The following PCDH11X variants were observed in gnomAD, a reference collection of about 807,000 sequenced individuals.
The protein encoded by PCDH11X is protocadherin 11 X-linked.
Under a neutral mutation model 53.3 loss-of-function variants are expected in PCDH11X, and 18 were observed. The ratio of observed to expected loss-of-function variants is 0.34; its 90% CI spans 0.23 to 0.50. PCDH11X has a LOEUF of 0.50. PCDH11X is among the 20% of genes least tolerant of loss of function. The pLI, the probability that PCDH11X is intolerant of heterozygous loss-of-function variation, is 0.98. For synonymous variants in PCDH11X, 279 were observed against 393.3 expected (o/e 0.71, Z 3.44); for missense variants, 570 against 1,032.4 (o/e 0.55, Z 6.14).
At chrX:92,430,390 T>G (rs1471095735) in intron 9 of PCDH11X, among the ~76,000 whole-genome samples, 1 of 91,410 alleles carries the variant, frequency 1.1e-5, no homozygotes, top group Non-Finnish European at 2.4e-5. Context: ...TTGAGCAGTT[T>G]ATGAATTTTA....
intron 6 of PCDH11X, among the ~76,000 whole-genome samples, chrX:92,070,286 T>G (rs1237894243): frequency 9.0e-6 from 1 of 111,681 alleles, no homozygotes; most frequent in Non-Finnish European, 1.9e-5. Context: ...TATCTTCAAG[T>G]GATTTCTTCT....
intron 8 of PCDH11X, among the ~76,000 whole-genome samples, chrX:92,304,735 A>G (rs2522764): frequency 0.06 from 6,751 of 111,801 alleles, 302 homozygotes; most frequent in African/African-American, 0.15. Context: ...CTTATGTTCT[A>G]AACTCTTTCT....
At chrX:92,571,344 A>G (rs1490252750) in intron 10 of PCDH11X, among the ~76,000 whole-genome samples, 1 of 111,487 alleles carries the variant, frequency 9.0e-6, no homozygotes, top group Non-Finnish European at 1.9e-5. Flanking sequence ...AATTGCTATT[A>G]AATTAGTATT....
intron 6 of PCDH11X, among the ~76,000 whole-genome samples, chrX:92,101,834 T>A (rs1324486771): frequency 9.3e-6 from 1 of 107,652 alleles, no homozygotes; most frequent in Non-Finnish European, 1.9e-5. Context: ...CCCTGAGGAG[T>A]AGTAGAATAG....
intron 8 of PCDH11X, among the ~76,000 whole-genome samples, chrX:92,269,915 A>G (rs1310933389): frequency 9.0e-6 from 1 of 110,648 alleles, no homozygotes; most frequent in Non-Finnish European, 1.9e-5. Context: ...TGCTTCCTAC[A>G]TCCAAACTTT....
chrX:92,285,499 C>T (rs765352797), intron 8 of PCDH11X, among the ~76,000 whole-genome samples: 54 of 110,201 alleles, frequency 4.9e-4, no homozygotes, highest in African/African-American at 1.4e-3. Flanking sequence ...GTGATCCGCC[C>T]GCTTCGGCCT....
intron 10 of PCDH11X, among the ~76,000 whole-genome samples, chrX:92,531,877 C>T (rs950720051): frequency 9.0e-6 from 1 of 111,525 alleles, no homozygotes; most frequent in Non-Finnish European, 1.9e-5. Context: ...ATAATGTGTA[C>T]TTTCCATTGG....
intron 6 of PCDH11X, among the ~76,000 whole-genome samples, chrX:92,105,442 C>T (rs1352241254): frequency 7.3e-5 from 8 of 109,998 alleles, no homozygotes; most frequent in Admixed American, 1.9e-4. Flanking sequence ...AAATTTCATG[C>T]GCGTCCGTGT....
At chrX:92,501,156 C>T (rs1201693051) in intron 10 of PCDH11X, among the ~76,000 whole-genome samples, 1 of 106,683 alleles carries the variant, frequency 9.4e-6, no homozygotes, top group Non-Finnish European at 1.9e-5. Flanking sequence ...GACACATACA[C>T]TCTCCCAAGA....
rs756040641 is a variant in PCDH11X at position 91,848,781 on chromosome X, A to G, written c.540+12737A>G. On this transcript the variant is annotated intron_variant, in intron 5 of 10. Transcript: ENST00000682573. ...ACTTAAATGCCTGTATCCTATTATA[A>G]CAGAACTAATCACTTTTCTAAAGAT... is the stretch of plus-strand genomic sequence containing the variant. Among the ~76,000 whole-genome samples, 5 of 111,795 alleles carry G rather than the reference A, an allele frequency of 4.5e-5. No homozygotes were observed. In the East Asian group the frequency reaches 1.4e-3, roughly 32 times the overall value.
intron 6 of PCDH11X, among the ~76,000 whole-genome samples, chrX:92,067,947 A>G (rs1347077590): frequency 9.0e-6 from 1 of 110,723 alleles, no homozygotes; most frequent in African/African-American, 3.3e-5. Context: ...ATTTAAAGGC[A>G]TGTAGTTGCT....
chrX:92,134,847 G>T (rs1227760193), intron 6 of PCDH11X, among the ~76,000 whole-genome samples: 1 of 110,700 alleles, frequency 9.0e-6, no homozygotes, highest in East Asian at 2.9e-4. Context: ...TGGTTTTGGC[G>T]GGTTTTAGCT....
chrX:92,284,982 G>T (rs1337450353), intron 8 of PCDH11X, among the ~76,000 whole-genome samples: 1 of 111,301 alleles, frequency 9.0e-6, no homozygotes, highest in African/African-American at 3.3e-5. Context: ...GACATTAAAA[G>T]CACTTTTTTC....
At chrX:91,985,425 A>G (rs2062214061) in intron 6 of PCDH11X, among the ~76,000 whole-genome samples, 1 of 112,181 alleles carries the variant, frequency 8.9e-6, no homozygotes, top group Admixed American at 9.4e-5. Flanking sequence ...GAATTGCTTG[A>G]ACCCGGGAGG....
chrX:92,061,759 A>T (rs1223458490), intron 6 of PCDH11X, among the ~76,000 whole-genome samples: 2 of 110,867 alleles, frequency 1.8e-5, no homozygotes, highest in East Asian at 2.9e-4. Flanking sequence ...CTTTTTACTT[A>T]GGATTGCCTT....
chrX:92,388,091 A>T (rs2071049147), intron 9 of PCDH11X, among the ~76,000 whole-genome samples, 158 bp downstream of exon 9: 1 of 111,020 alleles, frequency 9.0e-6, no homozygotes, highest in African/African-American at 3.3e-5. Flanking sequence ...GATGGCAAGT[A>T]TAAGGCAGTT....
At chrX:92,199,207 C>T (rs776518600) in intron 6 of PCDH11X, among the ~76,000 whole-genome samples, 6 of 111,764 alleles carry the variant, frequency 5.4e-5, no homozygotes, top group African/African-American at 1.9e-4. Flanking sequence ...CCTTCCTTCT[C>T]TTAGAAGTAT....
intron 6 of PCDH11X, among the ~76,000 whole-genome samples, chrX:92,190,310 A>C (rs2066172970): frequency 9.0e-6 from 1 of 111,509 alleles, no homozygotes; most frequent in Admixed American, 9.6e-5. Context: ...AGCACCATTT[A>C]TTAAATAGGG....
intron 6 of PCDH11X, among the ~76,000 whole-genome samples, chrX:91,905,101 A>T (rs2524579): frequency 1.4e-4 from 8 of 55,220 alleles, no homozygotes; most frequent in East Asian, 7.5e-4. Context: ...TTTTTTGTTT[A>T]TTATTATTAT....
Sources: gnomAD v4.1 joint callset for allele counts (sites outside exome capture counted in the v4.1 genomes callset) on GRCh38, gnomAD v4.1.1 for gene constraint, MANE v1.5 for transcripts, NCBI Gene and HGNC (gene_info 2026-07-23, HGNC 2026-07-21) for gene names.